The following GAREM1 variants were observed in gnomAD, a reference collection of about 807,000 sequenced individuals.
GAREM1 encodes the protein GRB2-associated and regulator of MAPK protein 1.
In GAREM1, 26 loss-of-function variants were observed where a neutral mutation model predicts 71.3. That is an observed-to-expected ratio of 0.36 (90% CI 0.27 to 0.51). The LOEUF (loss-of-function observed/expected upper bound fraction) is 0.51, where lower values mean the gene tolerates loss of function less well. Ranked by LOEUF, GAREM1 falls within the 20% of genes least tolerant of loss-of-function variation. The probability of loss-of-function intolerance (pLI) is 0.95; values close to 1 mark genes in which losing one functional copy is unlikely to be tolerated. For synonymous variants in GAREM1, 440 were observed against 433.2 expected (o/e 1.02, Z -0.20); for missense variants, 1,026 against 1,103.1 (o/e 0.93, Z 0.99).
At chr18:32,306,700 T>C (rs1281206793) in intron 3 of GAREM1, among the ~76,000 whole-genome samples, 1 of 152,168 alleles carries the variant, frequency 6.6e-6, no homozygotes, top group Non-Finnish European at 1.5e-5. Context: ...TAGATCCAAC[T>C]GATTCTTGAT....
intron 2 of GAREM1, among the ~76,000 whole-genome samples, chr18:32,350,557 T>C (rs1241553069): frequency 2.6e-5 from 4 of 151,878 alleles, no homozygotes; most frequent in Non-Finnish European, 4.4e-5. Flanking sequence ...TTTCTGACTA[T>C]ATATGTGATC....
intron 3 of GAREM1, among the ~76,000 whole-genome samples, 196 bp downstream of exon 3, chr18:32,309,997 A>G (rs909606745): frequency 6.6e-6 from 1 of 152,238 alleles, no homozygotes; most frequent in Non-Finnish European, 1.5e-5. Flanking sequence ...TTCTAACAAA[A>G]GATAATGCTA....
Position 32,363,995 on chromosome 18 carries a change from C to T in GAREM1, c.262+28900G>A, listed in dbSNP as rs867089269. Among the ~76,000 whole-genome samples the T allele has an allele frequency of 3.9e-3, 82 of 21,276 alleles. 1 individual carries two copies. The highest frequency in any genetic ancestry group is 5.3e-3 in the African/African-American group (36 of 6,738). 14.0% of individuals were successfully genotyped at this position (21,276 alleles called of 152,430 possible). On this transcript the variant is annotated intron_variant, in intron 2 of 5. Transcript: ENST00000269209. ...ACACAAATACATAAATACATATATA[C>T]ATATATATATATATATATATATATA...
intron 1 of GAREM1, among the ~76,000 whole-genome samples, chr18:32,436,107 A>T (rs1295748321): frequency 1.3e-5 from 2 of 152,238 alleles, no homozygotes; most frequent in African/African-American, 4.8e-5. Context: ...ATGAGTAAAA[A>T]TATGTGAATA....
At chr18:32,413,267 C>T (rs1299536561) in intron 1 of GAREM1, 14 of 1,499,606 alleles carry the variant, frequency 9.3e-6, no homozygotes, top group Non-Finnish European at 1.1e-5. Flanking sequence ...ACATATTTGA[C>T]AGTTTGGGGG....
chr18:32,289,939 C>G (rs914993955), intron 3 of GAREM1, among the ~76,000 whole-genome samples: 4 of 152,014 alleles, frequency 2.6e-5, no homozygotes, highest in Non-Finnish European at 5.9e-5. Context: ...ACTAGCCCAA[C>G]AGGGAATGTA....
intron 1 of GAREM1, among the ~76,000 whole-genome samples, chr18:32,408,257 ATT>A (rs2048384294): frequency 6.6e-6 from 1 of 152,046 alleles, no homozygotes; most frequent in Admixed American, 6.6e-5. Context: ...CACTAAAAAT[ATT>A]GTCACACCTT....
intron 4 of GAREM1, among the ~76,000 whole-genome samples, chr18:32,274,151 T>G (rs2041505494): frequency 6.6e-6 from 1 of 152,150 alleles, no homozygotes; most frequent in South Asian, 2.1e-4. Context: ...ATGGCCTATT[T>G]CTCTGCATCT....
chr18:32,322,067 C>T (rs2047434117), intron 2 of GAREM1, among the ~76,000 whole-genome samples: 1 of 152,052 alleles, frequency 6.6e-6, no homozygotes, highest in Non-Finnish European at 1.5e-5. Flanking sequence ...CTATAATTAC[C>T]CTGGCTTTGA....
chr18:32,453,075 C>A (rs1301813318), intron 1 of GAREM1, among the ~76,000 whole-genome samples: 4 of 151,970 alleles, frequency 2.6e-5, no homozygotes, highest in Admixed American at 2.6e-4. Context: ...ACTCACAGCT[C>A]CACGTGGCTG....
intron 2 of GAREM1, among the ~76,000 whole-genome samples, chr18:32,374,592 A>G (rs1053162305): frequency 5.9e-5 from 9 of 152,252 alleles, no homozygotes; most frequent in African/African-American, 1.9e-4. Context: ...GTATAACACG[A>G]TAACAAAGGA....
chr18:32,347,887 C>T (rs150942380), intron 2 of GAREM1, among the ~76,000 whole-genome samples: 63 of 152,180 alleles, frequency 4.1e-4, no homozygotes, highest in African/African-American at 1.5e-3. Context: ...GTCCTTTTCT[C>T]GCTGGAAATT....
intron 2 of GAREM1, among the ~76,000 whole-genome samples, chr18:32,371,448 C>A (rs1403442832): frequency 6.6e-6 from 1 of 152,154 alleles, no homozygotes; most frequent in East Asian, 1.9e-4. Flanking sequence ...TGTATTAGGG[C>A]AGCAGAAGTA....
At position 32,290,097 on chromosome 18, in the gene GAREM1, C is replaced by T. The variant is rs1256733347; in HGVS notation, c.394-1894G>A. On this transcript the variant is annotated intron_variant, in intron 3 of 5. Transcript: ENST00000269209. ...TTTTACTGTATACTAATATTATATACTTTTATATCATAAATTAAAAATATA... is the reference window on the plus strand; with the variant it reads ...TTTTACTGTATACTAATATTATATATTTTTATATCATAAATTAAAAATATA... 2.0e-5 allele frequency among the ~76,000 whole-genome samples: 3 copies of T among 151,226 alleles called. No individual in the cohort carries two copies. In the East Asian group the frequency reaches 5.8e-4, roughly 29 times the overall value.
intron 3 of GAREM1, among the ~76,000 whole-genome samples, chr18:32,293,771 C>G (rs2047111654): frequency 1.3e-5 from 2 of 152,058 alleles, no homozygotes; most frequent in South Asian, 4.2e-4. Context: ...GTACCTTGAC[C>G]AGGTTATCAA....
In GAREM1 at chr18:32,470,873, A is replaced by C. The variant is rs2049049057; in HGVS notation, c.-445T>G. On this transcript the variant is annotated 5_prime_UTR_variant, in exon 1 of 6. Transcript: ENST00000269209. This position sits in a 1 kb window ranked among gnomAD's most constrained non-coding sequence, Gnocchi z 4.4. ...TGAGAAACGCCATAGCAGCGCTCCC[A>C]GCACTGACTAATCAACAAGGTGCGA... 6.6e-6 allele frequency among the ~76,000 whole-genome samples: 1 copy of C among 150,664 alleles called. No homozygotes were observed. Among genetic ancestry groups the C allele is most frequent in the Non-Finnish European group, 1.5e-5 (1 of 67,558 alleles).
In GAREM1 at chr18:32,463,708, T is replaced by A. The variant is rs528670688; in HGVS notation, c.121+6600A>T. Among the ~76,000 whole-genome samples the A allele has an allele frequency of 7.8e-4, 119 of 151,928 alleles. 2 individuals are homozygous for A. The South Asian group carries it at 0.022, about 28-fold the overall frequency. On this transcript the variant is annotated intron_variant, in intron 1 of 5. Coordinates refer to ENST00000269209, the MANE Select transcript of GAREM1 (RefSeq NM_001242409.2). ...CCTCAGCCTCCCGAGTAGCTGGGAC[T>A]ACAGGCACATGCCACCACACCCAGC...
chr18:32,347,341 A>G (rs2047706415), intron 2 of GAREM1, among the ~76,000 whole-genome samples: 1 of 152,054 alleles, frequency 6.6e-6, no homozygotes, highest in Non-Finnish European at 1.5e-5. Context: ...TCAAAATAAT[A>G]ATAATAAAAA....
chr18:32,272,990 C>G (rs974527367), intron 4 of GAREM1, among the ~76,000 whole-genome samples: 1 of 152,140 alleles, frequency 6.6e-6, no homozygotes, highest in African/African-American at 2.4e-5. Flanking sequence ...GTGAACTGCA[C>G]GGTAGCCAGA....
Sources: allele counts gnomAD v4.1 joint callset (sites outside exome capture counted in the v4.1 genomes callset), GRCh38; gene constraint gnomAD v4.1.1; non-coding constraint Gnocchi (gnomAD v3.1); transcripts MANE v1.5; gene names NCBI Gene and HGNC (gene_info 2026-07-23, HGNC 2026-07-21).